STRN: variants seen among roughly 807,000 people sequenced by gnomAD.
STRN encodes striatin, also known as protein phosphatase 2 regulatory subunit B'''alpha.
A neutral mutation model predicts 96.3 loss-of-function variants in STRN; 53 were observed. That is an observed-to-expected ratio of 0.55 (90% confidence interval 0.44 to 0.69). STRN has a LOEUF of 0.69. Ranked by LOEUF, STRN falls within the 30% of genes least tolerant of loss-of-function variation. STRN has a pLI of 0.00. For missense variants in STRN, 987 were observed against 963.9 expected (o/e 1.02, Z -0.32); for synonymous variants, 428 against 355.9 (o/e 1.20, Z -2.28).
intron 1 of STRN, among the ~76,000 whole-genome samples, chr2:36,934,942 G>A (rs1200521625): frequency 6.6e-6 from 1 of 152,182 alleles, no homozygotes; most frequent in African/African-American, 2.4e-5. Context: ...GCCCGGTGTG[G>A]TGGCTCAAAA....
chr2:36,902,824 T>C, intron 4 of STRN, 73 bp from the exon 5 acceptor site: 1 of 1,270,420 alleles, frequency 7.9e-7, no homozygotes, highest in Admixed American at 2.3e-5. Context: ...TAAATAAAAG[T>C]ATTTATTTAA....
At chr2:36,902,118 T>G (rs1486453817) in intron 5 of STRN, among the ~76,000 whole-genome samples, 1 of 152,206 alleles carries the variant, frequency 6.6e-6, no homozygotes, top group Non-Finnish European at 1.5e-5. Context: ...TTGTTCACAC[T>G]TACGCTGTCA....
At chr2:36,926,422 T>G (rs1163836999) in intron 1 of STRN, among the ~76,000 whole-genome samples, 3 of 152,196 alleles carry the variant, frequency 2.0e-5, no homozygotes, top group African/African-American at 7.2e-5. Context: ...CTAAGACAGG[T>G]AACAATGTTA....
At chr2:36,934,490 T>C (rs1253578396) in intron 1 of STRN, among the ~76,000 whole-genome samples, 1 of 152,240 alleles carries the variant, frequency 6.6e-6, no homozygotes, top group Non-Finnish European at 1.5e-5. Context: ...ATAAGTCTTC[T>C]ATAACGTATG....
In STRN at chr2:36,912,243, TGA is replaced by T. The variant is rs560094880; in HGVS notation, c.412+3833_412+3834del. Among the ~76,000 whole-genome samples, 183 of 152,322 alleles carry T rather than the reference TGA, an allele frequency of 1.2e-3. 1 individual carries two copies. Among genetic ancestry groups the T allele is most frequent in the African/African-American group, 2.1e-3 (87 of 41,588 alleles). ...CTAAGACACACATCACACGTGTGCGTGAGAGTGTGCGCGCGCGCACACACACA... is the reference window on the plus strand; with the variant it reads ...CTAAGACACACATCACACGTGTGCGTGAGTGTGCGCGCGCGCACACACACA... On this transcript the variant is annotated intron_variant, in intron 3 of 17. Transcript: ENST00000263918.
At chr2:36,851,502 G>A (rs1270845452) in intron 15 of STRN, among the ~76,000 whole-genome samples, 2 of 151,872 alleles carry the variant, frequency 1.3e-5, no homozygotes, top group Non-Finnish European at 2.9e-5. Context: ...AAAGAAAAAA[G>A]AAAAAGAAAA....
At chr2:36,895,094 G>A (rs368732160) in intron 6 of STRN, among the ~76,000 whole-genome samples, 126 of 152,208 alleles carry the variant, frequency 8.3e-4, no homozygotes, top group African/African-American at 2.9e-3. Context: ...TTGGGAGGCC[G>A]AGGTGGGTGG....
At chr2:36,953,870 A>G (rs1038457911) in intron 1 of STRN, among the ~76,000 whole-genome samples, 2 of 152,114 alleles carry the variant, frequency 1.3e-5, no homozygotes, top group Non-Finnish European at 2.9e-5. Flanking sequence ...GTGGGTCAAG[A>G]CTGTAATCCC....
chr2:36,917,210 T>C (rs1670127203), intron 2 of STRN, among the ~76,000 whole-genome samples: 1 of 151,206 alleles, frequency 6.6e-6, no homozygotes, highest in African/African-American at 2.4e-5. Flanking sequence ...CACTTACCGT[T>C]AGGTTTTTTC....
chr2:36,895,840 C>T (rs961656720), intron 6 of STRN, among the ~76,000 whole-genome samples: 4 of 151,894 alleles, frequency 2.6e-5, no homozygotes, highest in African/African-American at 7.3e-5. Context: ...AGGAGAATGG[C>T]GTGAACCCAG....
chr2:36,907,219 T>C (rs1430217660), intron 3 of STRN, among the ~76,000 whole-genome samples: 1 of 152,194 alleles, frequency 6.6e-6, no homozygotes. Flanking sequence ...GGAGATACAA[T>C]AGGGACTGGA....
chr2:36,891,457 G>A (rs1669395707), intron 7 of STRN, among the ~76,000 whole-genome samples: 2 of 152,080 alleles, frequency 1.3e-5, no homozygotes. Flanking sequence ...TCCAGAAGGC[G>A]GAGATTTCAG....
intron 1 of STRN, among the ~76,000 whole-genome samples, chr2:36,956,709 T>G (rs1572700927): frequency 6.6e-6 from 1 of 152,202 alleles, no homozygotes; most frequent in East Asian, 1.9e-4. Context: ...GGAGAAAAAC[T>G]GTAGGTCTCC....
chr2:36,885,719 C>T (rs1312960596), intron 8 of STRN, among the ~76,000 whole-genome samples: 3 of 152,170 alleles, frequency 2.0e-5, no homozygotes, highest in Non-Finnish European at 2.9e-5. Context: ...ACAGGAATGA[C>T]TGGTCTTTAA....
chr2:36,878,078 T>C, intron 9 of STRN, 51 bp from the exon 10 acceptor site: 1 of 1,598,626 alleles, frequency 6.3e-7, no homozygotes, highest in Non-Finnish European at 8.5e-7. Context: ...GGAGCCAACA[T>C]TTAGTCTCAT....
chr2:36,850,672 A>C (rs1668195352), intron 16 of STRN, among the ~76,000 whole-genome samples: 1 of 152,348 alleles, frequency 6.6e-6, no homozygotes, highest in South Asian at 2.1e-4. Flanking sequence ...TCCCCAATAT[A>C]TAATACTACA....
At chr2:36,857,663 A>AAAAAC (rs113388415) in intron 14 of STRN, among the ~76,000 whole-genome samples, 193 bp downstream of exon 14, 100 of 152,208 alleles carry the variant, frequency 6.6e-4, no homozygotes, top group Middle Eastern at 3.4e-3. Flanking sequence ...CCGTCTCAAA[A>AAAAAC]AAAACAAAAC....
chr2:36,887,248 T>C (rs1669259914), intron 7 of STRN, among the ~76,000 whole-genome samples: 2 of 149,832 alleles, frequency 1.3e-5, no homozygotes, highest in Non-Finnish European at 3.0e-5. Context: ...GACCAACAGG[T>C]GAAACCCCAT....
chr2:36,868,819 T>C lies in STRN; in HGVS notation c.1499+735A>G, dbSNP rs1668693748. Among the ~76,000 whole-genome samples the C allele has an allele frequency of 2.0e-5, 3 of 152,144 alleles. 1 individual carries two copies. Among genetic ancestry groups the C allele is most frequent in the East Asian group, 1.9e-4 (1 of 5,170 alleles). The stretch of plus-strand genomic sequence containing the variant: ...ATTTGATGTTCAGTGATGACTCTTA[T>C]AATAACAAAGTGCCTAATACTGCAA... On this transcript the variant is annotated intron_variant, in intron 11 of 17. Transcript: ENST00000263918.
Sources: allele counts gnomAD v4.1 joint callset (sites outside exome capture counted in the v4.1 genomes callset), GRCh38; gene constraint gnomAD v4.1.1; transcripts MANE v1.5; gene names NCBI Gene and HGNC (gene_info 2026-07-23, HGNC 2026-07-21).